Variants in SH3GL3 observed in about 807,000 individuals in gnomAD.
SH3GL3 encodes the protein SH3 domain containing GRB2 like 3, endophilin A3.
SH3GL3 carries 33 observed loss-of-function variants against 47.7 expected under a neutral mutation model. The observed-to-expected ratio is 0.69, with a 90% CI of 0.52 to 0.92. The LOEUF is 0.92. Among genes scored for constraint, SH3GL3 ranks in the 40% least tolerant of loss-of-function variants. The pLI is 0.00. For synonymous variants in SH3GL3, 155 were observed against 148.8 expected (o/e 1.04, Z -0.30); for missense variants, 363 against 417.8 (o/e 0.87, Z 1.14).
chr15:83,572,241 AC>A (rs1165678762), intron 4 of SH3GL3, among the ~76,000 whole-genome samples: 1 of 152,146 alleles, frequency 6.6e-6, no homozygotes, highest in Non-Finnish European at 1.5e-5. Context: ...CTTCTAAGGA[AC>A]CCTCCGTGCC....
intron 1 of SH3GL3, among the ~76,000 whole-genome samples, chr15:83,491,521 G>A (rs938664029): frequency 2.0e-5 from 3 of 152,184 alleles, no homozygotes; most frequent in South Asian, 2.1e-4. Context: ...TTTGGAATTC[G>A]TGGTAGCTAA....
At chr15:83,630,642 C>A in the SH3GL3 span, among the ~76,000 whole-genome samples, 1 of 152,130 alleles carries the variant, frequency 6.6e-6, no homozygotes, top group East Asian at 1.9e-4. Context: ...TTATAAAACC[C>A]CTTTAAAAAG....
intron 1 of SH3GL3, among the ~76,000 whole-genome samples, chr15:83,518,147 CT>C (rs1172262144): frequency 6.6e-6 from 1 of 151,970 alleles, no homozygotes; most frequent in Non-Finnish European, 1.5e-5. Context: ...ATCCAGTCCA[CT>C]GTCGATGTGA....
At chr15:83,500,455 G>T (rs2151604525) in intron 1 of SH3GL3, among the ~76,000 whole-genome samples, 1 of 152,270 alleles carries the variant, frequency 6.6e-6, no homozygotes, top group Middle Eastern at 3.4e-3. Context: ...TGAAGCCCTG[G>T]ACCAATGTGG....
intron 1 of SH3GL3, among the ~76,000 whole-genome samples, chr15:83,469,866 A>G (rs1171679985): frequency 6.6e-6 from 1 of 152,208 alleles, no homozygotes; most frequent in East Asian, 1.9e-4. Flanking sequence ...GAGTTCTTCT[A>G]TATCCTTACT....
chr15:83,508,687 C>T (rs189292279), intron 1 of SH3GL3, among the ~76,000 whole-genome samples: 2 of 152,222 alleles, frequency 1.3e-5, no homozygotes, highest in African/African-American at 2.4e-5. Context: ...AAGCGATTCT[C>T]GTGCCTCAGC....
intron 6 of SH3GL3, among the ~76,000 whole-genome samples, chr15:83,583,573 G>C (rs914865386): frequency 6.6e-6 from 1 of 152,126 alleles, no homozygotes; most frequent in Non-Finnish European, 1.5e-5. Flanking sequence ...GTCCATTGTA[G>C]TTGGGGACAT....
intron 8 of SH3GL3, chr15:83,611,371 G>A (rs1489149800): frequency 1.3e-5 from 2 of 152,008 alleles, no homozygotes; most frequent in Non-Finnish European, 2.9e-5. Flanking sequence ...CTTTAACAAG[G>A]AAGACTGTGT....
At chr15:83,583,670 G>A (rs2059890977) in intron 6 of SH3GL3, among the ~76,000 whole-genome samples, 1 of 152,112 alleles carries the variant, frequency 6.6e-6, no homozygotes, top group Non-Finnish European at 1.5e-5. Context: ...GCTATAGAGA[G>A]GTTTGGAATG....
downstream of SH3GL3, among the ~76,000 whole-genome samples, chr15:83,619,461 G>A (rs78968705): frequency 2.3e-3 from 357 of 152,238 alleles, 2 homozygotes; most frequent in African/African-American, 7.9e-3. Flanking sequence ...GCTAATGCGT[G>A]TCGGGCTTAA....
At chr15:83,591,006 C>A (rs972907123) in intron 8 of SH3GL3, among the ~76,000 whole-genome samples, 3 of 151,972 alleles carry the variant, frequency 2.0e-5, no homozygotes, top group African/African-American at 7.2e-5. Context: ...TAAATATTTT[C>A]TTTTCTTTTT....
intron 8 of SH3GL3, among the ~76,000 whole-genome samples, chr15:83,604,935 A>C (rs2060475999): frequency 6.6e-6 from 1 of 152,244 alleles, no homozygotes; most frequent in African/African-American, 2.4e-5. Context: ...ATCTGTGGTC[A>C]GCAGGTGGTT....
chr15:83,482,259 T>C (rs551688322), intron 1 of SH3GL3, among the ~76,000 whole-genome samples: 30 of 152,342 alleles, frequency 2.0e-4, no homozygotes, highest in Non-Finnish European at 3.7e-4. Context: ...TTGTAATGGT[T>C]TATTTAGCTG....
intron 6 of SH3GL3, 128 bp downstream of exon 6, chr15:83,576,869 A>G: frequency 1.8e-6 from 1 of 543,304 alleles, no homozygotes; most frequent in Non-Finnish European, 3.2e-6. Context: ...TGGGCCACAC[A>G]TAAAATACAC....
In SH3GL3 at chr15:83,618,291, T is replaced by A; in HGVS notation, c.*4T>A. Reference sequence around the variant, plus strand: ...GATCGTGCCTTTACCTCAGTAAATGTGTAACACAAACTCTGGACATACTTT... The same window carrying A: ...GATCGTGCCTTTACCTCAGTAAATGAGTAACACAAACTCTGGACATACTTT... On this transcript the variant is annotated 3_prime_UTR_variant, in exon 9 of 9. Transcript: ENST00000427482. 2 of 1,562,210 alleles carry A rather than the reference T, an allele frequency of 1.3e-6. No individual in the cohort carries two copies. The highest frequency in any genetic ancestry group is 1.8e-6 in the Non-Finnish European group (2 of 1,132,550).
chr15:83,583,617 C>T (rs1057208099), intron 6 of SH3GL3, among the ~76,000 whole-genome samples: 2 of 152,150 alleles, frequency 1.3e-5, no homozygotes, highest in Non-Finnish European at 2.9e-5. Context: ...GACTAAGATA[C>T]TCCCAACGGC....
intron 1 of SH3GL3, among the ~76,000 whole-genome samples, chr15:83,558,789 C>T (rs1566985590): frequency 6.6e-6 from 1 of 152,200 alleles, no homozygotes; most frequent in African/African-American, 2.4e-5. Flanking sequence ...ACACATCCCG[C>T]ATGAACCTAC....
intron 8 of SH3GL3, among the ~76,000 whole-genome samples, chr15:83,605,459 G>A (rs536557660): frequency 3.9e-5 from 6 of 152,190 alleles, no homozygotes; most frequent in Middle Eastern, 6.8e-3. Flanking sequence ...AAGGAAAAAT[G>A]TCAAGCATTT....
rs544115085 is a variant in SH3GL3 at position 83,593,196 on chromosome 15, T to C, written c.838+4425T>C. Among the ~76,000 whole-genome samples, 15 of 152,364 alleles carry C rather than the reference T, an allele frequency of 9.8e-5. No individual in the cohort carries two copies. The South Asian group carries it at 3.1e-3, about 32-fold the overall frequency. ...ATTCTAGTTACTTTGCATTTTCATG[T>C]GAGTTTTAGAGATCAAATTTTCAAT... On this transcript the variant is annotated intron_variant, in intron 8 of 8. Coordinates refer to ENST00000427482, the MANE Select transcript of SH3GL3 (RefSeq NM_003027.5).
Sources: gnomAD v4.1 joint callset for allele counts (sites outside exome capture counted in the v4.1 genomes callset) on GRCh38, gnomAD v4.1.1 for gene constraint, MANE v1.5 for transcripts, NCBI Gene and HGNC (gene_info 2026-07-23, HGNC 2026-07-21) for gene names.